Variants in CTSS observed in about 807,000 individuals in gnomAD.
CTSS encodes cathepsin S.
A neutral mutation model predicts 39.9 loss-of-function variants in CTSS; 15 were observed. That is an observed-to-expected ratio of 0.38 (90% CI 0.25 to 0.58). The LOEUF is 0.58. CTSS is among the 20% of genes least tolerant of loss of function. CTSS has a pLI of 0.70. For missense variants in CTSS, 250 were observed against 398.2 expected, an observed-to-expected ratio of 0.63 and a Z score of 3.17; for synonymous variants, 126 against 138.2, an observed-to-expected ratio of 0.91 and a Z score of 0.62.
At chr1:150,758,074 G>A (rs1653171517) in intron 2 of CTSS, 94 bp from the exon 3 acceptor site, 1 of 1,183,258 alleles carries the variant, frequency 8.5e-7, no homozygotes, top group Non-Finnish European at 1.2e-6. Context: ...TTTTGAGATG[G>A]AGTCTCACTC....
At chr1:150,741,452 G>A (rs1056431422) in intron 7 of CTSS, among the ~76,000 whole-genome samples, 2 of 152,100 alleles carry the variant, frequency 1.3e-5, no homozygotes, top group Non-Finnish European at 2.9e-5. Context: ...TATACCTATT[G>A]TTAGGCATTT....
rs7547489 is a variant in CTSS, at chr1:150,758,894, G to A, written c.127-914C>T. Among the ~76,000 whole-genome samples the A allele has an allele frequency of 3.3e-3, 501 of 150,554 alleles. 2 individuals carry two copies. The highest frequency in any genetic ancestry group is 0.012 in the African/African-American group (481 of 41,004). On this transcript the variant is annotated intron_variant, in intron 2 of 7. Transcript: ENST00000368985. Reference sequence around the variant, plus strand: ...GACAGGGTCTTGCTCTTTTGCCCAGGCTGGAGTGCAGTGGTATGATCATAG... The same window carrying A: ...GACAGGGTCTTGCTCTTTTGCCCAGACTGGAGTGCAGTGGTATGATCATAG...
intron 2 of CTSS, among the ~76,000 whole-genome samples, chr1:150,759,924 A>G (rs925065743): frequency 6.6e-6 from 1 of 151,914 alleles, no homozygotes; most frequent in African/African-American, 2.4e-5. Flanking sequence ...TTTTACTGTT[A>G]CCCCAGTAAT....
chr1:150,762,063 C>T (rs2101927910), intron 2 of CTSS, among the ~76,000 whole-genome samples: 1 of 152,268 alleles, frequency 6.6e-6, no homozygotes, highest in South Asian at 2.1e-4. Flanking sequence ...CAGCATAGTA[C>T]TGGCATAGAA....
At chr1:150,733,489 A>G (rs1027012491) in intron 7 of CTSS, among the ~76,000 whole-genome samples, 1 of 152,198 alleles carries the variant, frequency 6.6e-6, no homozygotes, top group East Asian at 1.9e-4. Flanking sequence ...TGATAACAGT[A>G]TCATGTGTAA....
intron 2 of CTSS, among the ~76,000 whole-genome samples, chr1:150,759,142 T>C (rs11204723): frequency 0.35 from 52,302 of 151,344 alleles, 9,365 homozygotes; most frequent in South Asian, 0.53. Flanking sequence ...AGTGCTGGGA[T>C]TACAGGCATG....
At chr1:150,750,604 G>T (rs1048254985) in intron 5 of CTSS, among the ~76,000 whole-genome samples, 2 of 152,204 alleles carry the variant, frequency 1.3e-5, no homozygotes, top group East Asian at 3.9e-4. Flanking sequence ...ACAAATTCAT[G>T]TTTGTTGTAT....
rs33945837 is a variant in CTSS at position 150,761,178 on chromosome 1, C to CA, written c.127-3199dup. On this transcript the variant is annotated intron_variant, in intron 2 of 7. Coordinates refer to ENST00000368985, the MANE Select transcript of CTSS (RefSeq NM_004079.5). ...TGGGCGACAGAGCATGAATCCGCCTCAAAAAAAAAAAAAAAAAAAGAGAGA... is the reference window on the plus strand; with the variant it reads ...TGGGCGACAGAGCATGAATCCGCCTCAAAAAAAAAAAAAAAAAAAAGAGAGA... Among the ~76,000 whole-genome samples, 297 of 102,482 alleles carry CA rather than the reference C, an allele frequency of 2.9e-3. 2 individuals carry two copies. The highest frequency in any genetic ancestry group is 1.0e-2 in the African/African-American group (276 of 27,680). The allele number at this position is 102,482 out of a possible 152,430, so 67.2% of individuals were successfully genotyped here. A position where few individuals can be genotyped will look rare whatever the true frequency, so the allele number is the denominator to read the frequency against.
rs1230246957 is a variant in CTSS, at chr1:150,732,521, A to G, written c.*525T>C. 2 of 152,294 alleles carry G rather than the reference A, an allele frequency of 1.3e-5. No individual in the cohort carries two copies. The highest frequency in any genetic ancestry group is 2.9e-5 in the Non-Finnish European group (2 of 68,078). The allele number at this position is 152,294 out of a possible 1,614,324, so 9.4% of individuals were successfully genotyped here. Reference sequence around the variant, plus strand: ...GTTTTAGGTTGAACAATTTTTGTACAGTTATATCTATAGTACATTACTAAT... The same window carrying G: ...GTTTTAGGTTGAACAATTTTTGTACGGTTATATCTATAGTACATTACTAAT... On this transcript the variant is annotated 3_prime_UTR_variant, in exon 8 of 8. Coordinates refer to ENST00000368985, the MANE Select transcript of CTSS (RefSeq NM_004079.5).
At chr1:150,745,560 G>C (rs587693956) in intron 7 of CTSS, among the ~76,000 whole-genome samples, 23 of 152,218 alleles carry the variant, frequency 1.5e-4, no homozygotes, top group African/African-American at 5.3e-4. Context: ...TACTTTGGTG[G>C]CTGATGTGGG....
chr1:150,758,310 A>G (rs1452269109), intron 2 of CTSS, among the ~76,000 whole-genome samples: 1 of 152,090 alleles, frequency 6.6e-6, no homozygotes, highest in East Asian at 1.9e-4. Context: ...TCAGCCTCCC[A>G]AAGTACTGGG....
intron 2 of CTSS, among the ~76,000 whole-genome samples, chr1:150,758,820 G>A (rs1011895576): frequency 2.7e-5 from 4 of 149,004 alleles, no homozygotes; most frequent in Non-Finnish European, 6.0e-5. Context: ...AAAGTCCTGC[G>A]ATTATTGGTG....
chr1:150,745,501 T>C (rs1316362110), intron 7 of CTSS, among the ~76,000 whole-genome samples: 8 of 151,874 alleles, frequency 5.3e-5, no homozygotes, highest in Non-Finnish European at 1.2e-4. Context: ...TCTCTACAAA[T>C]AGAAATTAAA....
intron 2 of CTSS, among the ~76,000 whole-genome samples, chr1:150,763,321 A>G (rs1653302766): frequency 6.6e-6 from 1 of 152,154 alleles, no homozygotes; most frequent in South Asian, 2.1e-4. Context: ...ATGTTAGGCA[A>G]AGAGTACAGA....
intron 7 of CTSS, among the ~76,000 whole-genome samples, chr1:150,737,805 T>C (rs377586123): frequency 6.6e-6 from 1 of 151,970 alleles, no homozygotes; most frequent in African/African-American, 2.4e-5. Flanking sequence ...GGATACAGAG[T>C]GTTAAGAGAC....
Position 150,734,999 on chromosome 1 carries a change from C to T in CTSS, c.897-1854G>A, listed in dbSNP as rs587685001. ...GAAATTGAGAAAATGCCTAGTGTGT[C>T]TGGAGAGCAGTAAGAAATTTAGTTG... On this transcript the variant is annotated intron_variant, in intron 7 of 7. Coordinates refer to ENST00000368985, the MANE Select transcript of CTSS (RefSeq NM_004079.5). Among the ~76,000 whole-genome samples, 4 of 152,180 alleles carry T rather than the reference C, an allele frequency of 2.6e-5. No homozygotes were observed. The East Asian group carries it at 7.7e-4, about 29-fold the overall frequency.
chr1:150,744,513 T>TTA lies in CTSS; in HGVS notation c.896+3262_896+3263dup, dbSNP rs1553193591. Among the ~76,000 whole-genome samples the TTA allele has an allele frequency of 8.9e-4, 66 of 73,990 alleles. 1 individual carries two copies. The highest frequency in any genetic ancestry group is 1.1e-3 in the Non-Finnish European group (44 of 41,120). 48.5% of individuals were successfully genotyped at this position (73,990 alleles called of 152,430 possible). The stretch of plus-strand genomic sequence containing the variant: ...TTATGTATACATAATATATTATATA[T>TTA]TATATGTATATTATGTATACATAAT... On this transcript the variant is annotated intron_variant, in intron 7 of 7. Transcript: ENST00000368985.
chr1:150,764,320 C>A (rs1258668123), intron 2 of CTSS, among the ~76,000 whole-genome samples: 1 of 152,176 alleles, frequency 6.6e-6, no homozygotes, highest in African/African-American at 2.4e-5. Context: ...TCACTGCAAC[C>A]TCCGCCTTCC....
chr1:150,762,660 A>G (rs1406968173), intron 2 of CTSS, among the ~76,000 whole-genome samples: 1 of 152,200 alleles, frequency 6.6e-6, no homozygotes, highest in Non-Finnish European at 1.5e-5. Context: ...TGGCCAACAG[A>G]TATATGAAAA....
Sources: gnomAD v4.1 joint callset for allele counts (sites outside exome capture counted in the v4.1 genomes callset) on GRCh38, gnomAD v4.1.1 for gene constraint, MANE v1.5 for transcripts, NCBI Gene and HGNC (gene_info 2026-07-23, HGNC 2026-07-21) for gene names.